The following PCDHGB4 variants were observed in gnomAD, a reference collection of about 807,000 sequenced individuals.
PCDHGB4 encodes the protein protocadherin gamma-B4.
Under a neutral mutation model 60.5 loss-of-function variants are expected in PCDHGB4, and 38 were observed. The observed-to-expected ratio is 0.63, with a 90% confidence interval of 0.48 to 0.82. The LOEUF (loss-of-function observed/expected upper bound fraction) is 0.82. Among genes scored for constraint, PCDHGB4 ranks in the 40% least tolerant of loss-of-function variants. The pLI is 0.00. For missense variants in PCDHGB4, 1,109 were observed against 1,209.6 expected (o/e 0.92, Z 1.23); for synonymous variants, 456 against 509.7 (o/e 0.89, Z 1.42).
chr5:141,473,048 A>T (rs1295750830), intron 1 of PCDHGB4, among the ~76,000 whole-genome samples: 4 of 151,992 alleles, frequency 2.6e-5, no homozygotes, highest in Non-Finnish European at 5.9e-5. Flanking sequence ...GAAAGAAAGA[A>T]GTGATACAAC....
chr5:141,399,991 G>A (rs1226741326), intron 1 of PCDHGB4: 1 of 1,612,422 alleles, frequency 6.2e-7, no homozygotes. Context: ...CACAGGAGAG[G>A]TGCGCACAGC....
chr5:141,418,345 T>C, intron 1 of PCDHGB4: 1 of 1,614,000 alleles, frequency 6.2e-7, no homozygotes, highest in Non-Finnish European at 8.5e-7. Context: ...ATCCTGATAT[T>C]AGTATGAATT....
At position 141,489,599 on chromosome 5, in the gene PCDHGB4, A is replaced by T; in HGVS notation, c.2398-5208A>T. The T allele has an allele frequency of 6.2e-7, 1 of 1,614,020 alleles. No homozygotes were observed. The highest frequency in any genetic ancestry group is 8.5e-7 in the Non-Finnish European group (1 of 1,179,970). On this transcript the variant is annotated intron_variant, in intron 1 of 3. Coordinates refer to ENST00000519479, the MANE Select transcript of PCDHGB4 (RefSeq NM_003736.4). This position sits in a 1 kb window ranked among gnomAD's most constrained non-coding sequence, Gnocchi z 4.5. ...CACCCCCTGGAGCTAATCCGTGTAGAGGTAGAGATCCTGGATCTCAATGAC... is the reference window on the plus strand; with the variant it reads ...CACCCCCTGGAGCTAATCCGTGTAGTGGTAGAGATCCTGGATCTCAATGAC...
At chr5:141,444,138 C>CTTGTGTG (rs2098418688) in intron 1 of PCDHGB4, among the ~76,000 whole-genome samples, 1 of 122,946 alleles carries the variant, frequency 8.1e-6, no homozygotes, top group South Asian at 2.7e-4. Flanking sequence ...ATATGTGTCA[C>CTTGTGTG]TTGTGTGTAC....
In PCDHGB4 at chr5:141,485,222, C is replaced by A; in HGVS notation, c.2398-9585C>A. The A allele has an allele frequency of 6.2e-7, 1 of 1,614,196 alleles. No homozygotes were observed. The highest frequency in any genetic ancestry group is 8.5e-7 in the Non-Finnish European group (1 of 1,180,020). On this transcript the variant is annotated intron_variant, in intron 1 of 3. Transcript: ENST00000519479. This position sits in a 1 kb window ranked among gnomAD's most constrained non-coding sequence, Gnocchi z 5.7. ...GACAGAAATCTGGCGGTGGGCTACC[C>A]TTTTGTTCCTCTTTTACCACCTGGG...
intron 1 of PCDHGB4, chr5:141,439,852 G>A (rs182049678): frequency 1.3e-5 from 2 of 152,474 alleles, no homozygotes; most frequent in African/African-American, 4.8e-5. Context: ...CTGTGGAAAA[G>A]GTGGGGAATG....
rs1379875429 is a variant in PCDHGB4 at position 141,491,125 on chromosome 5, C to T, written c.2398-3682C>T. 3.1e-6 allele frequency: 5 copies of T among 1,614,020 alleles called. No homozygotes were observed. The highest frequency in any genetic ancestry group is 4.2e-6 in the Non-Finnish European group (5 of 1,179,992). ...CGTGTCTACACACACTGGTGAGGTG[C>T]GCACAGCCCGGGCCTTACTGGAGGA... On this transcript the variant is annotated intron_variant, in intron 1 of 3. Coordinates refer to ENST00000519479, the MANE Select transcript of PCDHGB4 (RefSeq NM_003736.4). The surrounding 1 kb of genome is among the most constrained non-coding windows in gnomAD (Gnocchi z 6.9).
intron 1 of PCDHGB4, chr5:141,430,875 T>A (rs1323872183): frequency 6.3e-7 from 1 of 1,599,400 alleles, no homozygotes; most frequent in Non-Finnish European, 8.5e-7. Context: ...CCGGAAGAGC[T>A]GGAGAAAGGC....
At chr5:141,409,988 GC>G in intron 1 of PCDHGB4, 1 of 1,613,278 alleles carries the variant, frequency 6.2e-7, no homozygotes, top group Non-Finnish European at 8.5e-7. Flanking sequence ...AGCGGTGGAC[GC>G]CGACTCGGGA....
At position 141,427,736 on chromosome 5, in the gene PCDHGB4, A is replaced by G. The variant is rs781594851; in HGVS notation, c.2397+37455A>G. 3.3e-6 allele frequency: 4 copies of G among 1,214,562 alleles called. No individual in the cohort carries two copies. In the South Asian group the frequency reaches 4.9e-5, roughly 15 times the overall value. The allele number at this position is 1,214,562 out of a possible 1,614,324, so 75.2% of individuals were successfully genotyped here. ...ACCTGGACCTAGGGCTGAATGGCCA[A>G]GTCTCCTACTCCATCGTTACCACTG... On this transcript the variant is annotated intron_variant, in intron 1 of 3. Coordinates refer to ENST00000519479, the MANE Select transcript of PCDHGB4 (RefSeq NM_003736.4).
intron 2 of PCDHGB4, among the ~76,000 whole-genome samples, chr5:141,502,428 A>C (rs2099814217): frequency 6.6e-6 from 1 of 151,978 alleles, no homozygotes; most frequent in South Asian, 2.1e-4. Flanking sequence ...CTATTCTCTG[A>C]TGGTTAGATT....
chr5:141,438,063 A>T (rs540817874), intron 1 of PCDHGB4, among the ~76,000 whole-genome samples: 1 of 152,106 alleles, frequency 6.6e-6, no homozygotes, highest in Non-Finnish European at 1.5e-5. Context: ...CTTTTAAGAA[A>T]CCATACTTAA....
chr5:141,389,173 T>C lies in PCDHGB4; in HGVS notation c.1289T>C (p.Leu430Pro), dbSNP rs1339910343. The C allele has an allele frequency of 9.3e-6, 15 of 1,613,844 alleles. No homozygotes were observed. The highest frequency in any genetic ancestry group is 1.2e-5 in the Non-Finnish European group (14 of 1,179,892). Residue 430 changes from leucine to proline, a missense_variant, in exon 1 of 4, where the codon CTC becomes CCC. Leu to Pro is a moderately conservative substitution (Grantham distance 98, BLOSUM62 -3). This residue lies in a region of PCDHGB4 where 1,068 missense variants were observed against 1,089.9 expected (regional missense o/e 0.98). Transcript: ENST00000519479. ...VTATDRGKPP[L>P]SSSSSITLHI... ...GCAACAGATCGGGGCAAGCCTCCCC[T>C]CTCCTCCAGTTCCAGCATCACCCTG...
At chr5:141,430,612 G>A (rs1406353008) in intron 1 of PCDHGB4, 2 of 680,678 alleles carry the variant, frequency 2.9e-6, no homozygotes, top group African/African-American at 3.7e-5. Flanking sequence ...GCACAAAGCA[G>A]ATAGCTAGGA....
At chr5:141,410,858 T>A in intron 1 of PCDHGB4, 1 of 436,188 alleles carries the variant, frequency 2.3e-6, no homozygotes, top group Non-Finnish European at 3.8e-6. Context: ...TCTTTTTTTT[T>A]TTTTTTTTTT....
chr5:141,410,435 G>C (rs772158163), intron 1 of PCDHGB4: 5 of 1,614,054 alleles, frequency 3.1e-6, no homozygotes, highest in Non-Finnish European at 4.2e-6. Flanking sequence ...CAACTACAGT[G>C]AGGGGACTTT....
At position 141,402,911 on chromosome 5, in the gene PCDHGB4, C is replaced by CT. The variant is rs2094320554; in HGVS notation, c.2397+12630_2397+12631insT. 6 of 1,551,858 alleles carry CT rather than the reference C, an allele frequency of 3.9e-6. No homozygotes were observed. In the African/African-American group the frequency reaches 8.2e-5, roughly 21 times the overall value. ...GAAGAAAGAACCTGATGAAGCAGCG[C>CT]GCACAGAGATCCTTTTGAGAAAATT... On this transcript the variant is annotated intron_variant, in intron 1 of 3. Coordinates refer to ENST00000519479, the MANE Select transcript of PCDHGB4 (RefSeq NM_003736.4).
chr5:141,412,827 A>G (rs977931124), intron 1 of PCDHGB4, among the ~76,000 whole-genome samples: 2 of 152,236 alleles, frequency 1.3e-5, no homozygotes, highest in Non-Finnish European at 2.9e-5. Context: ...ATAGTAAATT[A>G]TTTAAAGATA....
chr5:141,451,001 A>T (rs909477017), intron 1 of PCDHGB4, among the ~76,000 whole-genome samples: 2 of 148,266 alleles, frequency 1.3e-5, no homozygotes, highest in Middle Eastern at 3.4e-3. Context: ...ATTTTTTTGT[A>T]TTTTTTTTAG....
Sources: gnomAD v4.1 joint callset for allele counts (sites outside exome capture counted in the v4.1 genomes callset) on GRCh38, gnomAD v4.1.1 for gene constraint, gnomAD v4.1.1 regional missense constraint, Gnocchi (gnomAD v3.1) non-coding constraint, MANE v1.5 for transcripts, NCBI Gene and HGNC (gene_info 2026-07-23, HGNC 2026-07-21) for gene names.